PTPRT: variants seen among roughly 807,000 people sequenced by gnomAD.
The protein encoded by PTPRT is receptor-type tyrosine-protein phosphatase T.
PTPRT carries 56 observed loss-of-function variants against 176.8 expected under a neutral mutation model. The observed-to-expected ratio is 0.32, with a 90% CI of 0.26 to 0.40. The LOEUF (loss-of-function observed/expected upper bound fraction) is 0.40. Ranked by LOEUF, PTPRT falls within the 10% of genes least tolerant of loss-of-function variation. The pLI is 1.00. For missense variants in PTPRT, 1,540 were observed against 1,908.2 expected, an observed-to-expected ratio of 0.81 and a Z score of 3.60; for synonymous variants, 783 against 739.0, an observed-to-expected ratio of 1.06 and a Z score of -0.96.
intron 1 of PTPRT, among the ~76,000 whole-genome samples, chr20:42,890,418 G>GCA (rs1224533054): frequency 3.9e-5 from 6 of 152,106 alleles, no homozygotes; most frequent in African/African-American, 1.4e-4. Flanking sequence ...CTGTTTCTGA[G>GCA]CCTTCATTTT....
rs6093653 is a variant in PTPRT at position 42,480,005 on chromosome 20, C to T, written c.1154-7443G>A. ...ATCACCTGAAGCTGGAGCATGTCAC[C>T]TTGTGAGAAGGCAACACGGTTGCTA... On this transcript the variant is annotated intron_variant, in intron 7 of 30. Transcript: ENST00000373187. Among the ~76,000 whole-genome samples the T allele has an allele frequency of 7.8e-3, 1,191 of 152,318 alleles. 11 individuals carry two copies. Among genetic ancestry groups the T allele is most frequent in the Middle Eastern group, 0.014 (4 of 294 alleles).
intron 7 of PTPRT, among the ~76,000 whole-genome samples, chr20:42,593,338 A>T (rs1428672933): frequency 6.6e-6 from 1 of 152,068 alleles, no homozygotes; most frequent in African/African-American, 2.4e-5. Flanking sequence ...TGTGTTCACC[A>T]CTCAGACACC....
chr20:42,490,421 T>C (rs1013106321), intron 7 of PTPRT, among the ~76,000 whole-genome samples: 5 of 152,276 alleles, frequency 3.3e-5, no homozygotes, highest in Admixed American at 1.3e-4. Context: ...GTTTTCTCCA[T>C]TGAGATTTTA....
chr20:42,401,781 C>CCCGATCACCAGCCAAGTG (rs2058911052), intron 9 of PTPRT, among the ~76,000 whole-genome samples: 1 of 152,170 alleles, frequency 6.6e-6, no homozygotes, highest in Non-Finnish European at 1.5e-5. Context: ...TCACTGCCAG[C>CCCGATCACCAGCCAAGTG]CCGATCACCA....
At chr20:42,231,944 C>A (rs117292925) in intron 15 of PTPRT, among the ~76,000 whole-genome samples, 3 of 152,018 alleles carry the variant, frequency 2.0e-5, no homozygotes, top group African/African-American at 7.2e-5. Context: ...ATATAGAATT[C>A]CTCTGCTCCT....
intron 2 of PTPRT, among the ~76,000 whole-genome samples, chr20:42,864,278 G>A (rs928257359): frequency 5.3e-5 from 8 of 152,184 alleles, no homozygotes; most frequent in Non-Finnish European, 1.0e-4. Flanking sequence ...GCCAGTAGGC[G>A]ATGATGAACA....
At chr20:42,144,239 C>T (rs1325898761) in intron 17 of PTPRT, among the ~76,000 whole-genome samples, 2 of 152,026 alleles carry the variant, frequency 1.3e-5, no homozygotes, top group Non-Finnish European at 2.9e-5. Flanking sequence ...ATGGAGAAGC[C>T]TGGGTTAGAA....
At chr20:42,995,067 T>A (rs1984148036) in intron 1 of PTPRT, among the ~76,000 whole-genome samples, 1 of 152,214 alleles carries the variant, frequency 6.6e-6, no homozygotes, top group African/African-American at 2.4e-5. Flanking sequence ...TTATAAAAGG[T>A]GAGGCCTACC....
At chr20:42,888,656 C>T (rs944917690) in intron 1 of PTPRT, among the ~76,000 whole-genome samples, 2 of 152,160 alleles carry the variant, frequency 1.3e-5, no homozygotes, top group African/African-American at 4.8e-5. Context: ...TAAGGTCTTT[C>T]ACTTATAAGG....
chr20:42,380,459 C>A (rs193128484), intron 9 of PTPRT, among the ~76,000 whole-genome samples: 1 of 152,182 alleles, frequency 6.6e-6, no homozygotes, highest in Non-Finnish European at 1.5e-5. Flanking sequence ...CCTGCCTGGC[C>A]TGGTTGGTTT....
chr20:42,757,945 T>A (rs1464391229), intron 5 of PTPRT, among the ~76,000 whole-genome samples: 1 of 152,220 alleles, frequency 6.6e-6, no homozygotes, highest in African/African-American at 2.4e-5. Flanking sequence ...TTTGTATAAA[T>A]CTTCATTGTG....
intron 1 of PTPRT, among the ~76,000 whole-genome samples, chr20:43,018,301 T>C (rs1023316304): frequency 2.0e-5 from 3 of 152,046 alleles, no homozygotes; most frequent in African/African-American, 7.3e-5. Flanking sequence ...ACGTTCAGAG[T>C]TGGCTAAATG....
At chr20:43,094,545 T>C (rs1600708560) in intron 1 of PTPRT, among the ~76,000 whole-genome samples, 1 of 151,950 alleles carries the variant, frequency 6.6e-6, no homozygotes, top group Admixed American at 6.6e-5. Context: ...ATTACAGGCA[T>C]GTGCCACTAC....
At chr20:42,825,882 G>A (rs555458303) in intron 2 of PTPRT, among the ~76,000 whole-genome samples, 88 of 152,102 alleles carry the variant, frequency 5.8e-4, no homozygotes, top group African/African-American at 2.0e-3. Context: ...TTAACCCATG[G>A]AGTACCAAAA....
chr20:42,866,929 A>G (rs1241101665), intron 2 of PTPRT, among the ~76,000 whole-genome samples: 1 of 152,228 alleles, frequency 6.6e-6, no homozygotes, highest in Non-Finnish European at 1.5e-5. Flanking sequence ...TTAATAAAAG[A>G]AAGATGACAA....
intron 1 of PTPRT, among the ~76,000 whole-genome samples, chr20:42,895,313 T>C (rs542585215): frequency 6.6e-6 from 1 of 152,318 alleles, no homozygotes; most frequent in East Asian, 1.9e-4. Context: ...AGCCTTTCCT[T>C]GGTGCCTGTG....
chr20:42,353,419 A>T (rs918213935), intron 9 of PTPRT, among the ~76,000 whole-genome samples: 2 of 152,198 alleles, frequency 1.3e-5, no homozygotes, highest in Non-Finnish European at 2.9e-5. Context: ...ACCATTTTTC[A>T]AATTGTATAT....
chr20:42,750,635 T>A (rs1467102228), intron 6 of PTPRT, among the ~76,000 whole-genome samples: 2 of 152,194 alleles, frequency 1.3e-5, no homozygotes, highest in Non-Finnish European at 2.9e-5. Context: ...CTCATACTGA[T>A]GAGTGTTCTG....
At chr20:42,443,569 G>C (rs1216556037) in intron 9 of PTPRT, among the ~76,000 whole-genome samples, 1 of 152,180 alleles carries the variant, frequency 6.6e-6, no homozygotes, top group Non-Finnish European at 1.5e-5. Flanking sequence ...AGATGAGGCC[G>C]GAACCAGTGG....
Sources: allele counts gnomAD v4.1 joint callset (sites outside exome capture counted in the v4.1 genomes callset), GRCh38; gene constraint gnomAD v4.1.1; transcripts MANE v1.5; gene names NCBI Gene and HGNC (gene_info 2026-07-23, HGNC 2026-07-21).